The following CDH12 variants were observed in gnomAD, a reference collection of about 807,000 sequenced individuals.
CDH12 encodes cadherin-12.
Under a neutral mutation model 74.1 loss-of-function variants are expected in CDH12, and 41 were observed. The ratio of observed to expected loss-of-function variants is 0.55; its 90% CI spans 0.43 to 0.72. The LOEUF is 0.72. CDH12 is among the 30% of genes least tolerant of loss of function. The pLI is 0.00. For missense variants in CDH12, 945 were observed against 977.2 expected, an observed-to-expected ratio of 0.97 and a Z score of 0.44; for synonymous variants, 399 against 355.0, an observed-to-expected ratio of 1.12 and a Z score of -1.39.
intron 1 of CDH12, among the ~76,000 whole-genome samples, chr5:22,820,745 A>G (rs1311118683): frequency 1.5e-4 from 23 of 152,126 alleles, no homozygotes; most frequent in African/African-American, 4.8e-4. Flanking sequence ...ATAATCAATA[A>G]CTTACCAATC....
chr5:22,694,324 T>C (rs1206093827), intron 1 of CDH12, among the ~76,000 whole-genome samples: 1 of 152,196 alleles, frequency 6.6e-6, no homozygotes, highest in African/African-American at 2.4e-5. Context: ...CCATACATGA[T>C]TTTTCTACTT....
At chr5:22,290,796 C>A (rs1298196525) in intron 3 of CDH12, among the ~76,000 whole-genome samples, 3 of 152,082 alleles carry the variant, frequency 2.0e-5, no homozygotes, top group Non-Finnish European at 4.4e-5. Flanking sequence ...CCTACCAAGA[C>A]TGAGTTATGA....
At chr5:22,500,793 C>T (rs1747298837) in intron 2 of CDH12, among the ~76,000 whole-genome samples, 1 of 152,110 alleles carries the variant, frequency 6.6e-6, no homozygotes, top group Non-Finnish European at 1.5e-5. Context: ...ATCCTTTCCC[C>T]AGAGCATCTA....
At chr5:22,494,469 C>T (rs553728709) in intron 2 of CDH12, among the ~76,000 whole-genome samples, 1 of 152,214 alleles carries the variant, frequency 6.6e-6, no homozygotes, top group Non-Finnish European at 1.5e-5. Flanking sequence ...ACTTTATTTA[C>T]ATTTATTCAT....
At chr5:21,943,487 T>A (rs1269130755) in intron 6 of CDH12, among the ~76,000 whole-genome samples, 2 of 152,108 alleles carry the variant, frequency 1.3e-5, no homozygotes, top group Non-Finnish European at 2.9e-5. Context: ...AAATGTGAAC[T>A]TCAAGTTTCA....
chr5:22,266,678 A>T (rs1008095792), intron 3 of CDH12, among the ~76,000 whole-genome samples: 3 of 152,118 alleles, frequency 2.0e-5, no homozygotes, highest in Non-Finnish European at 4.4e-5. Flanking sequence ...TGGATTAGAG[A>T]GTACAGATTA....
At chr5:22,705,148 C>T (rs1380009853) in intron 1 of CDH12, among the ~76,000 whole-genome samples, 2 of 148,314 alleles carry the variant, frequency 1.3e-5, no homozygotes, top group Admixed American at 1.4e-4. Flanking sequence ...CACACACACA[C>T]ACACACACAC....
At chr5:22,488,326 G>A (rs1236726663) in intron 2 of CDH12, among the ~76,000 whole-genome samples, 20 of 152,062 alleles carry the variant, frequency 1.3e-4, no homozygotes, top group Non-Finnish European at 5.9e-5. Flanking sequence ...ATTTTTTTCC[G>A]TGGGTGTCAA....
At chr5:22,228,381 C>T (rs1278007337) in intron 3 of CDH12, among the ~76,000 whole-genome samples, 1 of 151,940 alleles carries the variant, frequency 6.6e-6, no homozygotes, top group Non-Finnish European at 1.5e-5. Context: ...GTTACTTTTC[C>T]CCTGCTATTT....
chr5:22,084,643 T>A (rs1051175834), intron 4 of CDH12, among the ~76,000 whole-genome samples: 45 of 152,296 alleles, frequency 3.0e-4, no homozygotes, highest in African/African-American at 1.0e-3. Context: ...CAAGTCTCTA[T>A]AACACTACAG....
At chr5:22,733,421 G>T (rs1325060946) in intron 1 of CDH12, among the ~76,000 whole-genome samples, 1 of 150,002 alleles carries the variant, frequency 6.7e-6, no homozygotes, top group Non-Finnish European at 1.5e-5. Flanking sequence ...AAATTAAACT[G>T]TCATTTTCTT....
At chr5:22,395,821 G>A (rs1405055183) in intron 3 of CDH12, among the ~76,000 whole-genome samples, 2 of 152,054 alleles carry the variant, frequency 1.3e-5, no homozygotes, top group African/African-American at 4.8e-5. Flanking sequence ...GATGGGTAAG[G>A]CCTGCCCTGG....
chr5:22,649,456 T>C (rs1453457428), intron 1 of CDH12, among the ~76,000 whole-genome samples: 1 of 151,948 alleles, frequency 6.6e-6, no homozygotes, highest in Non-Finnish European at 1.5e-5. Flanking sequence ...ATTTTTCACA[T>C]ACTAATGCAA....
chr5:22,054,460 G>C (rs181281342), intron 5 of CDH12, among the ~76,000 whole-genome samples: 10 of 152,012 alleles, frequency 6.6e-5, no homozygotes, highest in African/African-American at 2.4e-4. Flanking sequence ...TTTGGGTCAG[G>C]CTTTTTCTTA....
chr5:22,536,489 G>T (rs1180295039), intron 1 of CDH12, among the ~76,000 whole-genome samples: 1 of 152,072 alleles, frequency 6.6e-6, no homozygotes, highest in Non-Finnish European at 1.5e-5. Flanking sequence ...TACTTGCCAG[G>T]TATTGAAAGT....
chr5:22,334,812 A>C (rs1739504443), intron 3 of CDH12, among the ~76,000 whole-genome samples: 1 of 152,188 alleles, frequency 6.6e-6, no homozygotes. Context: ...GAAGAAAGAA[A>C]CTAGACCCTT....
intron 3 of CDH12, among the ~76,000 whole-genome samples, chr5:22,334,610 C>T (rs1309548030): frequency 6.6e-6 from 1 of 152,082 alleles, no homozygotes; most frequent in Non-Finnish European, 1.5e-5. Context: ...TACTACAGAG[C>T]TATAGTAATC....
intron 1 of CDH12, among the ~76,000 whole-genome samples, chr5:22,531,784 G>A (rs1276538338): frequency 1.3e-5 from 2 of 152,032 alleles, no homozygotes; most frequent in African/African-American, 4.8e-5. Flanking sequence ...GAAACACACT[G>A]GTGTAAAAAT....
intron 2 of CDH12, among the ~76,000 whole-genome samples, chr5:22,408,981 A>G (rs1743067532): frequency 1.3e-5 from 2 of 152,068 alleles, no homozygotes; most frequent in African/African-American, 4.8e-5. Context: ...CATAAGTATT[A>G]AACCATATGC....
Sources: allele counts gnomAD v4.1 joint callset (sites outside exome capture counted in the v4.1 genomes callset), GRCh38; gene constraint gnomAD v4.1.1; transcripts MANE v1.5; gene names NCBI Gene and HGNC (gene_info 2026-07-23, HGNC 2026-07-21).